Variants in KIAA2012 observed in about 807,000 individuals in gnomAD.
KIAA2012 encodes uncharacterized protein KIAA2012.
A neutral mutation model predicts 150.6 loss-of-function variants in KIAA2012; 125 were observed. The observed-to-expected ratio is 0.83, with a 90% confidence interval of 0.72 to 0.96. The LOEUF (loss-of-function observed/expected upper bound fraction) is 0.96. KIAA2012 is among the 40% of genes least tolerant of loss of function. The pLI is 0.00. For missense variants in KIAA2012, 1,219 were observed against 1,354.9 expected, an observed-to-expected ratio of 0.90 and a Z score of 1.57; for synonymous variants, 462 against 504.7, an observed-to-expected ratio of 0.92 and a Z score of 1.13.
At chr2:202,107,412 A>C (rs533995825) in intron 9 of KIAA2012, among the ~76,000 whole-genome samples, 1 of 152,126 alleles carries the variant, frequency 6.6e-6, no homozygotes, top group Non-Finnish European at 1.5e-5. Context: ...TTTTCAAAAA[A>C]TCCAAATATC....
In KIAA2012 at chr2:202,109,647, A is replaced by G. The variant is rs1690293626; in HGVS notation, c.1509A>G (p.Pro503=). 2 of 1,549,358 alleles carry G rather than the reference A, an allele frequency of 1.3e-6. No homozygotes were observed. The highest frequency in any genetic ancestry group is 2.0e-5 in the Admixed American group (1 of 50,634). ...CCCCACCTCACGATGTGGCCCCACC[A>G]TTGGATCTTCTACCCCCGATTAAAG... ...DDAPPHDVAP[P]LDLLPPIKGK... is the part of the protein sequence containing the mutation. Residue 503 remains proline (P), a synonymous_variant, in exon 10 of 24, where the codon CCA becomes CCG. Transcript: ENST00000498697.
intron 15 of KIAA2012, chr2:202,178,837 A>G: frequency 5.2e-6 from 1 of 192,914 alleles, no homozygotes. Flanking sequence ...GACAGTGGAC[A>G]CCTCCCTGAA....
intron 12 of KIAA2012, chr2:202,125,935 C>CTTTTT (rs571686717): frequency 1.5e-5 from 2 of 137,798 alleles, no homozygotes; most frequent in Non-Finnish European, 1.3e-5. Context: ...TTCCTGGCTG[C>CTTTTT]TTTTTTTTTT....
Position 202,154,676 on chromosome 2 carries a change from G to A in KIAA2012, c.1912G>A (p.Ala638Thr), listed in dbSNP as rs1296975954. ...GGCTTTCTGCTTCTCTTCACAGGGA[G>A]CCCAGCAGTCCTTGGAGGCAGCAGC... ...PLTQTTEKQG[A>T]QQSLEAAAQK... Residue 638 changes from alanine (A) to threonine (T), a missense_variant, in exon 14 of 24, where the codon GCC (alanine) becomes ACC (threonine). Transcript: ENST00000498697. The A allele has an allele frequency of 6.5e-7, 1 of 1,542,322 alleles. No homozygotes were observed. The highest frequency in any genetic ancestry group is 8.7e-7 in the Non-Finnish European group (1 of 1,145,028).
chr2:202,201,990 C>T (rs1011855343), intron 22 of KIAA2012: 14 of 609,260 alleles, frequency 2.3e-5, no homozygotes, highest in African/African-American at 1.8e-4. Context: ...ATCTGTCTAG[C>T]GTTACCCAAC....
chr2:202,095,298 C>T (rs778778150), intron 4 of KIAA2012, among the ~76,000 whole-genome samples: 15 of 152,200 alleles, frequency 9.9e-5, no homozygotes, highest in Non-Finnish European at 2.1e-4. Context: ...CACTGGTTTC[C>T]CTCTCTTTGC....
chr2:202,073,796 G>A, intron 1 of KIAA2012, 85 bp downstream of exon 1: 1 of 1,213,408 alleles, frequency 8.2e-7, no homozygotes, highest in Non-Finnish European at 1.2e-6. Context: ...AACCATGTGT[G>A]TCTTGGTTTG....
intron 15 of KIAA2012, chr2:202,179,672 T>G (rs1692076479): frequency 3.0e-6 from 2 of 658,732 alleles, no homozygotes; most frequent in Non-Finnish European, 2.9e-6. Context: ...TCAGGTGGTG[T>G]TTGTCCATTT....
rs183452990 is a variant in KIAA2012 at position 202,076,159 on chromosome 2, G to A, written c.369+984G>A. Among the ~76,000 whole-genome samples, 272 of 152,288 alleles carry A rather than the reference G, an allele frequency of 1.8e-3. 1 individual carries two copies. In the Middle Eastern group the frequency reaches 0.02, roughly 11 times the overall value. ...TCTCCCACTTGCCTAGGCAGAGATA[G>A]CTCATGCCTCCCTCCTCTGCAAACA... On this transcript the variant is annotated intron_variant, in intron 2 of 23. Transcript: ENST00000498697.
rs1463286128 is a variant in KIAA2012, at chr2:202,184,770, A to G, written c.2137A>G (p.Met713Val). Residue 713 changes from methionine (M) to valine (V), a missense_variant, in exon 16 of 24, where the codon ATG (methionine) becomes GTG (valine). Coordinates refer to ENST00000498697, the MANE Select transcript of KIAA2012 (RefSeq NM_001277372.4). ...HNDQDPEPRS[M>V]TLDSPRASRT... is the part of the protein sequence containing the mutation. Reference sequence around the variant, plus strand: ...TTTCACAGACCCAGAGCCAAGGAGTATGACCCTTGACTCTCCCAGGGCTTC... The same window carrying G: ...TTTCACAGACCCAGAGCCAAGGAGTGTGACCCTTGACTCTCCCAGGGCTTC... The G allele has an allele frequency of 9.7e-6, 15 of 1,546,590 alleles. No homozygotes were observed. The East Asian group carries it at 9.8e-5, about 10-fold the overall frequency.
chr2:202,113,228 A>G, intron 10 of KIAA2012, 108 bp from the exon 11 acceptor site: 2 of 750,418 alleles, frequency 2.7e-6, no homozygotes, highest in Non-Finnish European at 4.5e-6. Flanking sequence ...GCACATAGGC[A>G]TCTACGGGTG....
intron 23 of KIAA2012, among the ~76,000 whole-genome samples, chr2:202,202,864 C>A (rs1692556281): frequency 6.6e-6 from 1 of 151,654 alleles, no homozygotes; most frequent in Non-Finnish European, 1.5e-5. Context: ...GACTTCCAGG[C>A]TGCACTGAGC....
At chr2:202,088,194 A>G (rs1358335693) in intron 2 of KIAA2012, among the ~76,000 whole-genome samples, 2 of 152,138 alleles carry the variant, frequency 1.3e-5, no homozygotes, top group African/African-American at 2.4e-5. Flanking sequence ...CCTGGAACCA[A>G]TTCCCCACAG....
intron 13 of KIAA2012, among the ~76,000 whole-genome samples, chr2:202,141,652 G>T (rs187132929): frequency 7.2e-5 from 11 of 152,240 alleles, no homozygotes; most frequent in African/African-American, 2.2e-4. Flanking sequence ...ACAGAATTTG[G>T]TATTCTTCAG....
At position 202,193,431 on chromosome 2, in the gene KIAA2012, A is replaced by T; in HGVS notation, c.2942A>T (p.Glu981Val). The part of the protein sequence containing the change: ...EQEEQRQLQQ[E>V]QLERAKKMEE... ...GAAGAGCAAAGGCAGCTCCAGCAGGAGCAGCTGGAGAGAGCAAAAAAGATG... is the reference window on the plus strand; with the variant it reads ...GAAGAGCAAAGGCAGCTCCAGCAGGTGCAGCTGGAGAGAGCAAAAAAGATG... Residue 981 changes from glutamate to valine, a missense_variant, in exon 20 of 24, where the codon GAG becomes GTG. Coordinates refer to ENST00000498697, the MANE Select transcript of KIAA2012 (RefSeq NM_001277372.4). 1 of 1,550,350 alleles carries T rather than the reference A, an allele frequency of 6.5e-7. No homozygotes were observed. Among genetic ancestry groups the T allele is most frequent in the South Asian group, 1.2e-5 (1 of 84,050 alleles).
At chr2:202,170,885 TCCTGTAAAGAAGCAGG>T (rs1469365501) in intron 15 of KIAA2012, among the ~76,000 whole-genome samples, 2 of 152,168 alleles carry the variant, frequency 1.3e-5, no homozygotes, top group Non-Finnish European at 2.9e-5. Flanking sequence ...TTTATACTAA[TCCTGTAAAGAAGCAGG>T]CCTTGGTATC....
chr2:202,104,884 G>C lies in KIAA2012; in HGVS notation c.1325-877G>C, dbSNP rs1044600928. 2.6e-5 allele frequency among the ~76,000 whole-genome samples: 4 copies of C among 152,270 alleles called. No homozygotes were observed. The South Asian group carries it at 8.3e-4, about 32-fold the overall frequency. On this transcript the variant is annotated intron_variant, in intron 8 of 23. Coordinates refer to ENST00000498697, the MANE Select transcript of KIAA2012 (RefSeq NM_001277372.4). This position sits in a 1 kb window ranked among gnomAD's most constrained non-coding sequence, Gnocchi z 4.3. ...CAATACTATTCACAAGATTGGGTTC[G>C]ATCTGATTATTTTCCATGATGACCC...
At position 202,194,204 on chromosome 2, in the gene KIAA2012, G is replaced by T. The variant is rs1366500517; in HGVS notation, c.3029G>T (p.Arg1010Ile). 3.2e-6 allele frequency: 5 copies of T among 1,550,598 alleles called. No individual in the cohort carries two copies. Among genetic ancestry groups the T allele is most frequent in the East Asian group, 4.9e-5 (2 of 40,916 alleles). ...GGTTTTCTCAGCTTGAGGAAACAGA[G>T]ACTCCAAGAAGAACAGCAGCGGCAG... The part of the protein sequence containing the change: ...RTEEIRLRKQ[R>I]LQEEQQRQEE... Residue 1010 changes from arginine (R) to isoleucine (I), a missense_variant, in exon 21 of 24, where the codon AGA becomes ATA. Coordinates refer to ENST00000498697, the MANE Select transcript of KIAA2012 (RefSeq NM_001277372.4).
At chr2:202,133,130 A>ATATATATATATTTTTTTTTTTTTTTTTTT (rs1279080237) in intron 12 of KIAA2012, among the ~76,000 whole-genome samples, 5 of 67,780 alleles carry the variant, frequency 7.4e-5, no homozygotes, top group Non-Finnish European at 1.5e-4. Flanking sequence ...ATATATATAT[A>ATATATATATATTTTTTTTTTTTTTTTTTT]TTTTTTTTTT....
Sources: allele counts gnomAD v4.1 joint callset (sites outside exome capture counted in the v4.1 genomes callset), GRCh38; gene constraint gnomAD v4.1.1; non-coding constraint Gnocchi (gnomAD v3.1); transcripts MANE v1.5; gene names NCBI Gene and HGNC (gene_info 2026-07-23, HGNC 2026-07-21).